ACOX3: variants seen among roughly 807,000 people sequenced by gnomAD.
ACOX3 encodes the protein acyl-CoA oxidase 3, pristanoyl.
In ACOX3, 73 loss-of-function variants were observed where a neutral mutation model predicts 81.5. The ratio of observed to expected loss-of-function variants is 0.90; its 90% confidence interval spans 0.74 to 1.09. The LOEUF (loss-of-function observed/expected upper bound fraction) is 1.09, where lower values mean the gene tolerates loss of function less well. Among genes scored for constraint, ACOX3 ranks in the 50% least tolerant of loss-of-function variants. The pLI, the probability that ACOX3 is intolerant of heterozygous loss-of-function variation, is 0.00. For missense variants in ACOX3, 947 were observed against 928.0 expected (o/e 1.02, Z -0.27); for synonymous variants, 387 against 375.1 (o/e 1.03, Z -0.37).
At chr4:8,402,925 C>T (rs1236976747) in intron 7 of ACOX3, among the ~76,000 whole-genome samples, 1 of 152,192 alleles carries the variant, frequency 6.6e-6, no homozygotes, top group African/African-American at 2.4e-5. Context: ...AAGGGCCCCC[C>T]AAGCCCAGCC....
At position 8,406,026 on chromosome 4, in the gene ACOX3, G is replaced by A. The variant is rs769378828; in HGVS notation, c.705C>T (p.Thr235=). 2 of 1,614,008 alleles carry A rather than the reference G, an allele frequency of 1.2e-6. No individual in the cohort carries two copies. The highest frequency in any genetic ancestry group is 2.7e-5 in the African/African-American group (2 of 74,920). The change falls in exon 7 of 18, where the codon ACC becomes ACT. Residue 235 remains threonine, a synonymous_variant. Transcript: ENST00000356406. The surrounding 1 kb of genome is among the most constrained non-coding windows in gnomAD (Gnocchi z 5.6). ...PFIVQIRDPK[T]LLPMPGVMVG... The stretch of plus-strand genomic sequence containing the variant: ...CCATCACTCCAGGCATGGGAAGAAG[G>A]GTCTTCGGGTCCCGGATCTATACAA...
At chr4:8,411,627 C>T (rs1721737311) in intron 5 of ACOX3, among the ~76,000 whole-genome samples, 2 of 152,254 alleles carry the variant, frequency 1.3e-5, no homozygotes, top group South Asian at 2.1e-4. Context: ...CCCAAGCCGG[C>T]TCCTCGGGGC....
In ACOX3 at chr4:8,416,656, G is replaced by T; in HGVS notation, c.-14-121C>A. ...GAAAAGTAAACTTGAAATCCAAAAG[G>T]ATGGCAAAAGAGAATCACTCTGTGA... On this transcript the variant is annotated intron_variant, in intron 1 of 17. Transcript: ENST00000356406. The surrounding 1 kb of genome is among the most constrained non-coding windows in gnomAD (Gnocchi z 4.2). 1 of 1,113,018 alleles carries T rather than the reference G, an allele frequency of 9.0e-7. No individual in the cohort carries two copies. The highest frequency in any genetic ancestry group is 1.2e-6 in the Non-Finnish European group (1 of 812,870). The allele number at this position is 1,113,018 out of a possible 1,614,324, so 68.9% of individuals were successfully genotyped here.
At chr4:8,402,348 C>T (rs775033767) in intron 7 of ACOX3, among the ~76,000 whole-genome samples, 2 of 152,182 alleles carry the variant, frequency 1.3e-5, no homozygotes, top group Non-Finnish European at 2.9e-5. Context: ...CCCAGCTGCC[C>T]AGTTTGGTAG....
In ACOX3 at chr4:8,374,961, G is replaced by T. The variant is rs369062779; in HGVS notation, c.1828+17C>A. Reference sequence around the variant, plus strand: ...TGACTCTGGGGAGGACAGCAAGCCCGCAGTCAGAAGCCTCACCTCGGTAGA... The same window carrying T: ...TGACTCTGGGGAGGACAGCAAGCCCTCAGTCAGAAGCCTCACCTCGGTAGA... On this transcript the variant is annotated intron_variant, in intron 15 of 17. Transcript: ENST00000356406. 24 of 1,489,086 alleles carry T rather than the reference G, an allele frequency of 1.6e-5. No individual in the cohort carries two copies. Among genetic ancestry groups the T allele is most frequent in the Non-Finnish European group, 2.2e-5 (24 of 1,111,332 alleles). The allele number at this position is 1,489,086 out of a possible 1,614,324, so 92.2% of individuals were successfully genotyped here. A position where few individuals can be genotyped will look rare whatever the true frequency, so the allele number is the denominator to read the frequency against.
At position 8,431,258 on chromosome 4, in the gene ACOX3, TTTGGCCCC is replaced by T. The variant is rs1316312372; in HGVS notation, c.-15+9382_-15+9389del. On this transcript the variant is annotated intron_variant, in intron 1 of 17. Transcript: ENST00000356406. The surrounding 1 kb of genome is among the most constrained non-coding windows in gnomAD (Gnocchi z 5.3). ...TTGTCAGGGCTGGCCTGTAGCAAGTTTTGGCCCCCTGACTTCACTCTCTCCATTTAGTT... is the reference window on the plus strand; with the variant it reads ...TTGTCAGGGCTGGCCTGTAGCAAGTTCTGACTTCACTCTCTCCATTTAGTT... 3.9e-5 allele frequency among the ~76,000 whole-genome samples: 6 copies of T among 152,184 alleles called. No individual in the cohort carries two copies. The highest frequency in any genetic ancestry group is 8.8e-5 in the Non-Finnish European group (6 of 68,034).
chr4:8,397,012 A>G lies in ACOX3; in HGVS notation c.981T>C (p.Leu327=). 6.2e-7 allele frequency: 1 copy of G among 1,612,054 alleles called. No homozygotes were observed. The highest frequency in any genetic ancestry group is 8.5e-7 in the Non-Finnish European group (1 of 1,179,202). The change falls in exon 9 of 18, where the codon CTT becomes CTC. Residue 327 remains leucine, a synonymous_variant. Transcript: ENST00000356406. ...ACTGACGCCGAGTGGCTGAGAAGCGAAGAGCGATGGCCACGGCCAGCTTTA... is the reference window on the plus strand; with the variant it reads ...ACTGACGCCGAGTGGCTGAGAAGCGGAGAGCGATGGCCACGGCCAGCTTTA... The part of the protein sequence containing the change: ...LNLKLAVAIA[L]RFSATRRQFG...
In ACOX3 at chr4:8,414,835, A is replaced by G. The variant is rs1202678848; in HGVS notation, c.453+19T>C. ...AGCAAGAGAACCAGGCTCACAATTT[A>G]CCATGAACCAGAACTTACCTCCATC... On this transcript the variant is annotated intron_variant, in intron 4 of 17. Coordinates refer to ENST00000356406, the MANE Select transcript of ACOX3 (RefSeq NM_003501.3). The surrounding 1 kb of genome is among the most constrained non-coding windows in gnomAD (Gnocchi z 6.1). 6.2e-7 allele frequency: 1 copy of G among 1,609,502 alleles called. No homozygotes were observed. Among genetic ancestry groups the G allele is most frequent in the Non-Finnish European group, 8.5e-7 (1 of 1,175,690 alleles).
rs538206989 is a variant in ACOX3, at chr4:8,422,529, A to C, written c.-14-5994T>G. Among the ~76,000 whole-genome samples, 16 of 152,174 alleles carry C rather than the reference A, an allele frequency of 1.1e-4. No homozygotes were observed. In the South Asian group the frequency reaches 3.3e-3, roughly 32 times the overall value. On this transcript the variant is annotated intron_variant, in intron 1 of 17. Transcript: ENST00000356406. ...CAGGAGGAGCAGGCAGAACAGGACA[A>C]ACGGGCCCTCAGGCAAGCAGAAGTT...
At position 8,389,659 on chromosome 4, in the gene ACOX3, T is replaced by C. The variant is rs572332752; in HGVS notation, c.1376A>G (p.Gln459Arg). ...TYEGDNNILL[Q>R]QTSNYLLGLL... is the part of the protein sequence containing the mutation. ...ACCCAGCAAATAGTTGCTTGTCTGC[T>C]GCAGCAGGATGTTGTTGTCACCTTC... Residue 459 changes from glutamine to arginine, a missense_variant, in exon 12 of 18, where the codon CAG becomes CGG. By Grantham distance (43) the Gln-to-Arg change is conservative (BLOSUM62 1). Transcript: ENST00000356406. The surrounding 1 kb of genome is among the most constrained non-coding windows in gnomAD (Gnocchi z 5.3). 42 of 1,614,144 alleles carry C rather than the reference T, an allele frequency of 2.6e-5. No homozygotes were observed. The African/African-American group carries it at 4.3e-4, about 16-fold the overall frequency.
chr4:8,356,580 G>A, the ACOX3 span: 8 of 456,768 alleles, frequency 1.8e-5, no homozygotes, highest in South Asian at 1.1e-4. Flanking sequence ...CACGTACACA[G>A]AGGAAGAAAG....
chr4:8,424,174 A>C (rs970590636), intron 1 of ACOX3, among the ~76,000 whole-genome samples: 2 of 152,254 alleles, frequency 1.3e-5, no homozygotes, highest in Admixed American at 6.5e-5. Flanking sequence ...GTTCCTTGGC[A>C]TAACAGGCTT....
At chr4:8,435,992 G>C (rs1182045220) in intron 1 of ACOX3, 1 of 152,236 alleles carries the variant, frequency 6.6e-6, no homozygotes, top group East Asian at 1.9e-4. Context: ...GGCCCTCTCA[G>C]ATCTGGTCTT....
At position 8,432,025 on chromosome 4, in the gene ACOX3, C is replaced by T. The variant is rs747406691; in HGVS notation, c.-15+8623G>A. ...CAGGTCCTTGGGAAGGGAATGGGTT[C>T]TGATGATTCGGCACCAAGAATGATC... On this transcript the variant is annotated intron_variant, in intron 1 of 17. Coordinates refer to ENST00000356406, the MANE Select transcript of ACOX3 (RefSeq NM_003501.3). This position sits in a 1 kb window ranked among gnomAD's most constrained non-coding sequence, Gnocchi z 6.2. 1.3e-4 allele frequency among the ~76,000 whole-genome samples: 20 copies of T among 152,150 alleles called. No individual in the cohort carries two copies. The highest frequency in any genetic ancestry group is 2.5e-4 in the Non-Finnish European group (17 of 68,038).
chr4:8,356,735 G>C, the ACOX3 span: 1 of 456,300 alleles, frequency 2.2e-6, no homozygotes, highest in Non-Finnish European at 4.4e-6. Flanking sequence ...GCAGGCGAGA[G>C]GAAGAAAGTG....
chr4:8,402,941 A>C (rs1023469138), intron 7 of ACOX3, among the ~76,000 whole-genome samples: 2 of 152,164 alleles, frequency 1.3e-5, no homozygotes, highest in South Asian at 4.1e-4. Flanking sequence ...CAGCCCAGCC[A>C]AGCCGCCAGA....
intron 15 of ACOX3, 97 bp downstream of exon 15, chr4:8,374,881 G>T: frequency 7.4e-7 from 1 of 1,344,290 alleles, no homozygotes; most frequent in Non-Finnish European, 9.9e-7. Context: ...AGTGAGTCCC[G>T]TGGAAGGAGG....
chr4:8,404,960 G>A (rs949330145), intron 7 of ACOX3, among the ~76,000 whole-genome samples: 1 of 152,062 alleles, frequency 6.6e-6, no homozygotes, highest in African/African-American at 2.4e-5. Flanking sequence ...TCCAGCATTC[G>A]CAGTGAGGGA....
chr4:8,408,152 C>T (rs781020525), intron 6 of ACOX3, among the ~76,000 whole-genome samples: 15 of 151,638 alleles, frequency 9.9e-5, no homozygotes, highest in Middle Eastern at 3.4e-3. Context: ...CTTCACTGAA[C>T]TTTAAAATAA....
Sources: gnomAD v4.1 joint callset for allele counts (sites outside exome capture counted in the v4.1 genomes callset) on GRCh38, gnomAD v4.1.1 for gene constraint, Gnocchi (gnomAD v3.1) non-coding constraint, MANE v1.5 for transcripts, NCBI Gene and HGNC (gene_info 2026-07-23, HGNC 2026-07-21) for gene names.